Variants in ABHD2 observed in about 807,000 individuals in gnomAD.
ABHD2 encodes abhydrolase domain containing 2, acylglycerol lipase, also known as monoacylglycerol lipase ABHD2.
In ABHD2, 20 loss-of-function variants were observed where a neutral mutation model predicts 48.1. The ratio of observed to expected loss-of-function variants is 0.42; its 90% confidence interval spans 0.29 to 0.60. ABHD2 has a LOEUF of 0.60. Among genes scored for constraint, ABHD2 ranks in the 20% least tolerant of loss-of-function variants. The pLI is 0.24. For missense variants in ABHD2, 405 were observed against 550.9 expected, an observed-to-expected ratio of 0.74 and a Z score of 2.65; for synonymous variants, 209 against 214.2, an observed-to-expected ratio of 0.98 and a Z score of 0.21.
At chr15:89,046,641 G>A in the ABHD2 span, among the ~76,000 whole-genome samples, 2 of 150,734 alleles carry the variant, frequency 1.3e-5, no homozygotes, top group African/African-American at 2.4e-5. Flanking sequence ...TGTATGTGTC[G>A]AGGAATTTAT....
chr15:89,074,002 C>T, the ABHD2 span, among the ~76,000 whole-genome samples: 2 of 152,276 alleles, frequency 1.3e-5, no homozygotes, highest in South Asian at 4.1e-4. Context: ...TTGGGATTGG[C>T]GGACCTGAAT....
rs557273869 is a variant in ABHD2, at chr15:89,096,529, G to A, written c.-107+7966G>A. On this transcript the variant is annotated intron_variant, in intron 1 of 10. Coordinates refer to ENST00000352732, the MANE Select transcript of ABHD2 (RefSeq NM_152924.5). ...TTTGAAAGACCCCAGTGCAGGAATC[G>A]AAGCTCTGGGAGGCAGACAGAGGTT... Among the ~76,000 whole-genome samples the A allele has an allele frequency of 3.3e-5, 5 of 152,334 alleles. No individual in the cohort carries two copies. The East Asian group carries it at 7.7e-4, about 23-fold the overall frequency.
chr15:89,046,604 C>G, the ABHD2 span, among the ~76,000 whole-genome samples: 12 of 152,130 alleles, frequency 7.9e-5, no homozygotes, highest in South Asian at 2.5e-3. Flanking sequence ...AGAGATTCAA[C>G]TTCTTCCTGG....
At chr15:89,154,305 A>G (rs967929081) in intron 4 of ABHD2, among the ~76,000 whole-genome samples, 12 of 152,234 alleles carry the variant, frequency 7.9e-5, no homozygotes, top group African/African-American at 2.9e-4. Flanking sequence ...TTACTAATTC[A>G]CATTTCCCTA....
the ABHD2 span, among the ~76,000 whole-genome samples, chr15:89,069,322 C>G: frequency 6.6e-6 from 1 of 151,784 alleles, no homozygotes; most frequent in Admixed American, 6.6e-5. Flanking sequence ...AAGATGAGGT[C>G]TCACTATTTT....
At chr15:89,099,263 G>A (rs1425223350) in intron 1 of ABHD2, among the ~76,000 whole-genome samples, 1 of 152,142 alleles carries the variant, frequency 6.6e-6, no homozygotes, top group Admixed American at 6.5e-5. Context: ...TACACAAATA[G>A]GACATTTTCT....
intron 3 of ABHD2, among the ~76,000 whole-genome samples, chr15:89,136,985 G>A (rs1285394683): frequency 1.3e-5 from 2 of 152,204 alleles, no homozygotes; most frequent in South Asian, 2.1e-4. Flanking sequence ...CATCCTGTTT[G>A]GTTAGCACAG....
chr15:89,143,531 G>A (rs1376765424), intron 3 of ABHD2, among the ~76,000 whole-genome samples: 1 of 152,138 alleles, frequency 6.6e-6, no homozygotes, highest in Non-Finnish European at 1.5e-5. Flanking sequence ...GCTGGGCATA[G>A]TGGTGCATGC....
the ABHD2 span, among the ~76,000 whole-genome samples, chr15:89,047,643 A>G: frequency 2.6e-5 from 4 of 151,046 alleles, no homozygotes; most frequent in African/African-American, 9.8e-5. Flanking sequence ...TCCCTTTACC[A>G]TTATGTAATG....
At chr15:89,183,377 AAAAAAAAATATATATATATATATAT>A (rs1278095433) in intron 6 of ABHD2, 19 of 71,872 alleles carry the variant, frequency 2.6e-4, no homozygotes, top group African/African-American at 1.5e-3. Context: ...TCAAAAAAAA[AAAAAAAAATATATATATATATATAT>A]ATATATATAT....
intron 8 of ABHD2, among the ~76,000 whole-genome samples, chr15:89,190,472 T>C (rs1487968778): frequency 6.6e-6 from 1 of 152,190 alleles, no homozygotes; most frequent in African/African-American, 2.4e-5. Flanking sequence ...ACCTAATACA[T>C]ATTTTATTCC....
chr15:89,049,087 T>C, the ABHD2 span, among the ~76,000 whole-genome samples: 9 of 152,118 alleles, frequency 5.9e-5, no homozygotes, highest in South Asian at 2.1e-4. Flanking sequence ...TTCTGTTTGT[T>C]AGTTTTCCTT....
intron 5 of ABHD2, among the ~76,000 whole-genome samples, chr15:89,158,294 G>C (rs1013960521): frequency 6.6e-6 from 1 of 152,244 alleles, no homozygotes; most frequent in Admixed American, 6.5e-5. Flanking sequence ...AGAGCTAAGA[G>C]AGGAGCCTGG....
chr15:89,055,470 C>G, the ABHD2 span, among the ~76,000 whole-genome samples: 1 of 151,506 alleles, frequency 6.6e-6, no homozygotes, highest in African/African-American at 2.4e-5. Flanking sequence ...GTAGCTGGGA[C>G]TATAGGCGAA....
At chr15:89,117,560 T>C (rs983567444) in intron 3 of ABHD2, among the ~76,000 whole-genome samples, 9 of 152,254 alleles carry the variant, frequency 5.9e-5, no homozygotes, top group African/African-American at 2.2e-4. Flanking sequence ...GCTGCTTCAC[T>C]CGCTTTGTGC....
intron 4 of ABHD2, among the ~76,000 whole-genome samples, chr15:89,154,497 T>G (rs2050640289): frequency 6.6e-6 from 1 of 152,200 alleles, no homozygotes; most frequent in African/African-American, 2.4e-5. Context: ...AAAGTATCTC[T>G]CTCTCTGTCC....
At chr15:89,049,932 C>G in the ABHD2 span, among the ~76,000 whole-genome samples, 3 of 152,144 alleles carry the variant, frequency 2.0e-5, no homozygotes, top group Admixed American at 6.6e-5. Flanking sequence ...TTTCTCTTTT[C>G]TATTCCTCCA....
chr15:89,098,379 A>G lies in ABHD2; in HGVS notation c.-107+9816A>G, dbSNP rs181116642. ...GAGAAAAATTCAGAGTTCAGCAGGC[A>G]TTTATTGAGCTCTTTCCCTGCTGGA... On this transcript the variant is annotated intron_variant, in intron 1 of 10. Coordinates refer to ENST00000352732, the MANE Select transcript of ABHD2 (RefSeq NM_152924.5). Among the ~76,000 whole-genome samples, 497 of 152,146 alleles carry G rather than the reference A, an allele frequency of 3.3e-3. 5 individuals carry two copies. The highest frequency in any genetic ancestry group is 0.026 in the South Asian group (127 of 4,820).
At chr15:89,131,557 T>A (rs1250399778) in intron 3 of ABHD2, among the ~76,000 whole-genome samples, 1 of 152,138 alleles carries the variant, frequency 6.6e-6, no homozygotes, top group East Asian at 1.9e-4. Context: ...CAAAACTGGT[T>A]TCTGACTATT....
Sources: allele counts gnomAD v4.1 joint callset (sites outside exome capture counted in the v4.1 genomes callset), GRCh38; gene constraint gnomAD v4.1.1; transcripts MANE v1.5; gene names NCBI Gene and HGNC (gene_info 2026-07-23, HGNC 2026-07-21).